The following PITPNM2 variants were observed in gnomAD, a reference collection of about 807,000 sequenced individuals.
The protein encoded by PITPNM2 is membrane-associated phosphatidylinositol transfer protein 2.
In PITPNM2, 35 loss-of-function variants were observed where a neutral mutation model predicts 132.2. The ratio of observed to expected loss-of-function variants is 0.26; its 90% CI spans 0.20 to 0.35. PITPNM2 has a LOEUF of 0.35. Among genes scored for constraint, PITPNM2 ranks in the 10% least tolerant of loss-of-function variants. The pLI, the probability that PITPNM2 is intolerant of heterozygous loss-of-function variation, is 1.00. For synonymous variants in PITPNM2, 738 were observed against 799.2 expected (o/e 0.92, Z 1.29); for missense variants, 1,332 against 1,912.0 (o/e 0.70, Z 5.66).
intron 1 of PITPNM2, among the ~76,000 whole-genome samples, chr12:123,143,648 T>C (rs2043552382): frequency 6.6e-6 from 1 of 152,162 alleles, no homozygotes; most frequent in African/African-American, 2.4e-5. Context: ...AGGATTGGTC[T>C]CAGCTCCTAA....
chr12:123,059,492 C>A (rs532047666), intron 2 of PITPNM2, among the ~76,000 whole-genome samples: 16 of 152,346 alleles, frequency 1.1e-4, no homozygotes, highest in Non-Finnish European at 1.6e-4. Flanking sequence ...TAGCACCTGG[C>A]CATACACACC....
Position 123,005,108 on chromosome 12 carries a change from G to T in PITPNM2, c.952+132C>A. The T allele has an allele frequency of 8.7e-7, 1 of 1,144,284 alleles. No individual in the cohort carries two copies. The allele number at this position is 1,144,284 out of a possible 1,614,324, so 70.9% of individuals were successfully genotyped here. A position where few individuals can be genotyped will look rare whatever the true frequency, so the allele number is the denominator to read the frequency against. On this transcript the variant is annotated intron_variant, in intron 7 of 25. Coordinates refer to ENST00000320201, the MANE Select transcript of PITPNM2 (RefSeq NM_020845.3). The surrounding 1 kb of genome is among the most constrained non-coding windows in gnomAD (Gnocchi z 6.2). ...TGTGCGAGGACTAGCCCAGGGCTCT[G>T]ACTCCCTCTGGGCTTGGTGCCTCAA...
In PITPNM2 at chr12:123,022,129, T is replaced by C. The variant is rs370981541; in HGVS notation, c.79-8087A>G. 5.6e-4 allele frequency among the ~76,000 whole-genome samples: 85 copies of C among 152,200 alleles called. No individual in the cohort carries two copies. Among genetic ancestry groups the C allele is most frequent in the African/African-American group, 2.0e-3 (84 of 41,484 alleles). ...CCCTTCATTTCCGGTGCTCAGAGGC[T>C]CCCGGTACAGCCAAGAGGTGCGGGG... On this transcript the variant is annotated intron_variant, in intron 3 of 25. Transcript: ENST00000320201. This position sits in a 1 kb window ranked among gnomAD's most constrained non-coding sequence, Gnocchi z 4.9.
In PITPNM2 at chr12:122,984,286, G is replaced by GA. The variant is rs2037846208; in HGVS notation, c.*1740dup. 1 of 152,672 alleles carries GA rather than the reference G, an allele frequency of 6.5e-6. No individual in the cohort carries two copies. The highest frequency in any genetic ancestry group is 1.5e-5 in the Non-Finnish European group (1 of 68,122). 9.5% of individuals were successfully genotyped at this position (152,672 alleles called of 1,614,324 possible). ...GGCTGGTCTCCCAGGCAGCAGGCAA[G>GA]ACAGGATAAGGTGGGGCCAAGAGAG... On this transcript the variant is annotated 3_prime_UTR_variant, in exon 26 of 26. Coordinates refer to ENST00000320201, the MANE Select transcript of PITPNM2 (RefSeq NM_020845.3).
rs1377304936 is a variant in PITPNM2, at chr12:123,004,616, C to A, written c.953-127G>T. Reference sequence around the variant, plus strand: ...GGCATCACAGAGGCTGCCACAGGAGCCAGGAAGGTTCCGAAGAGAATGAAG... The same window carrying A: ...GGCATCACAGAGGCTGCCACAGGAGACAGGAAGGTTCCGAAGAGAATGAAG... On this transcript the variant is annotated intron_variant, in intron 7 of 25. Coordinates refer to ENST00000320201, the MANE Select transcript of PITPNM2 (RefSeq NM_020845.3). The surrounding 1 kb of genome is among the most constrained non-coding windows in gnomAD (Gnocchi z 4.9). The A allele has an allele frequency of 2.4e-6, 2 of 838,620 alleles. No individual in the cohort carries two copies. The highest frequency in any genetic ancestry group is 1.4e-5 in the South Asian group (1 of 70,212). 51.9% of individuals were successfully genotyped at this position (838,620 alleles called of 1,614,324 possible).
chr12:123,004,321 C>T lies in PITPNM2; in HGVS notation c.1048+73G>A. 7.0e-7 allele frequency: 1 copy of T among 1,427,796 alleles called. No individual in the cohort carries two copies. The highest frequency in any genetic ancestry group is 9.8e-7 in the Non-Finnish European group (1 of 1,016,858). The allele number at this position is 1,427,796 out of a possible 1,614,324, so 88.4% of individuals were successfully genotyped here. On this transcript the variant is annotated intron_variant, in intron 8 of 25. Transcript: ENST00000320201. The surrounding 1 kb of genome is among the most constrained non-coding windows in gnomAD (Gnocchi z 4.9). ...ACACCCGCATCAGTCCACACCCACA[C>T]CCTAAGCCCTTTCAGACCCCTCCCC...
intron 2 of PITPNM2, among the ~76,000 whole-genome samples, chr12:123,040,845 C>CT (rs1374331315): frequency 1.3e-5 from 2 of 151,878 alleles, no homozygotes; most frequent in East Asian, 1.9e-4. Flanking sequence ...GAACATGATA[C>CT]TTTTTTAAAA....
rs1286767504 is a variant in PITPNM2, at chr12:123,103,792, A to G, written c.-96+6593T>C. On this transcript the variant is annotated intron_variant, in intron 2 of 25. Coordinates refer to ENST00000320201, the MANE Select transcript of PITPNM2 (RefSeq NM_020845.3). ...GTGGGTTAGGTGTAAAGGTTGGCCT[A>G]GATGACTTCTTGCATCTCTCCAAGT... is the stretch of plus-strand genomic sequence containing the variant. Among the ~76,000 whole-genome samples, 10 of 152,362 alleles carry G rather than the reference A, an allele frequency of 6.6e-5. No homozygotes were observed. In the East Asian group the frequency reaches 1.9e-3, roughly 29 times the overall value.
At chr12:123,013,626 G>A (rs1592942929) in intron 4 of PITPNM2, among the ~76,000 whole-genome samples, 1 of 152,228 alleles carries the variant, frequency 6.6e-6, no homozygotes, top group African/African-American at 2.4e-5. Flanking sequence ...GCATCTAGGG[G>A]TATATCCTTC....
chr12:123,103,725 A>G (rs2042622172), intron 2 of PITPNM2, among the ~76,000 whole-genome samples: 1 of 152,090 alleles, frequency 6.6e-6, no homozygotes, highest in Admixed American at 6.6e-5. Context: ...TTGCCATGGG[A>G]CTTTGGACAA....
At chr12:123,047,444 G>C (rs1566265911) in intron 2 of PITPNM2, among the ~76,000 whole-genome samples, 1 of 152,116 alleles carries the variant, frequency 6.6e-6, no homozygotes, top group Admixed American at 6.5e-5. Context: ...CATTGCCAAG[G>C]GAAAGACCTG....
intron 5 of PITPNM2, 101 bp from the exon 6 acceptor site, chr12:123,010,178 C>G: frequency 1.0e-6 from 1 of 985,944 alleles, no homozygotes; most frequent in Non-Finnish European, 1.5e-6. Context: ...GGACTCTGGG[C>G]CTTGCCCTGC....
chr12:123,131,400 G>C (rs891155983), intron 1 of PITPNM2, among the ~76,000 whole-genome samples: 1 of 152,206 alleles, frequency 6.6e-6, no homozygotes, highest in African/African-American at 2.4e-5. Context: ...ACAGATACTC[G>C]TTGCGGTCTC....
intron 2 of PITPNM2, among the ~76,000 whole-genome samples, chr12:123,074,452 T>TGCACACACACCTCACACACAC (rs1193873035): frequency 2.0e-5 from 3 of 151,744 alleles, no homozygotes; most frequent in Non-Finnish European, 4.4e-5. Flanking sequence ...GCCACACACA[T>TGCACACACACCTCACACACAC]GCACACACAC....
In PITPNM2 at chr12:123,097,022, A is replaced by ATTAT. The variant is rs530853275; in HGVS notation, c.-96+13359_-96+13362dup. 6.5e-3 allele frequency among the ~76,000 whole-genome samples: 982 copies of ATTAT among 151,812 alleles called. 12 individuals carry two copies. Among genetic ancestry groups the ATTAT allele is most frequent in the African/African-American group, 0.022 (914 of 41,424 alleles). On this transcript the variant is annotated intron_variant, in intron 2 of 25. Transcript: ENST00000320201. The surrounding 1 kb of genome is among the most constrained non-coding windows in gnomAD (Gnocchi z 4.7). ...CCTGCCATCTCTCTTTATTTTTATT[A>ATTAT]TTATTTATTTATTTATTTATTTTTA...
chr12:122,997,703 G>A, intron 10 of PITPNM2, 131 bp from the exon 11 acceptor site: 1 of 1,295,050 alleles, frequency 7.7e-7, no homozygotes, highest in Non-Finnish European at 1.1e-6. Context: ...CCCAGTTTTG[G>A]TTACTCATGC....
Position 123,009,310 on chromosome 12 carries a change from C to T in PITPNM2, c.643+540G>A, listed in dbSNP as rs937215781. On this transcript the variant is annotated intron_variant, in intron 6 of 25. Coordinates refer to ENST00000320201, the MANE Select transcript of PITPNM2 (RefSeq NM_020845.3). The surrounding 1 kb of genome is among the most constrained non-coding windows in gnomAD (Gnocchi z 4.8). Reference sequence around the variant, plus strand: ...TGCACCAGGACCCCCAGGCCATCTGCTGTCTACCTGTTCCATGGGCACCTA... The same window carrying T: ...TGCACCAGGACCCCCAGGCCATCTGTTGTCTACCTGTTCCATGGGCACCTA... Among the ~76,000 whole-genome samples the T allele has an allele frequency of 4.6e-5, 7 of 152,190 alleles. No individual in the cohort carries two copies. The highest frequency in any genetic ancestry group is 1.7e-4 in the African/African-American group (7 of 41,442).
At chr12:122,998,043 G>A (rs2136136217) in intron 10 of PITPNM2, among the ~76,000 whole-genome samples, 1 of 152,312 alleles carries the variant, frequency 6.6e-6, no homozygotes, top group South Asian at 2.1e-4. Flanking sequence ...GCCACCACCA[G>A]CTCAAAGTTA....
At position 123,150,456 on chromosome 12, in the gene PITPNM2, C is replaced by T. The variant is rs2043708967; in HGVS notation, c.-200+297G>A. Among the ~76,000 whole-genome samples, 1 of 152,144 alleles carries T rather than the reference C, an allele frequency of 6.6e-6. No individual in the cohort carries two copies. Among genetic ancestry groups the T allele is most frequent in the East Asian group, 1.9e-4 (1 of 5,154 alleles). On this transcript the variant is annotated intron_variant, in intron 1 of 25. Transcript: ENST00000320201. This position sits in a 1 kb window ranked among gnomAD's most constrained non-coding sequence, Gnocchi z 6.0. ...GACACTTGTCCCTGGCGGGGGTCCC[C>T]CACGCGGTCGCGACCGACGGAAATT...
Sources: gnomAD v4.1 joint callset for allele counts (sites outside exome capture counted in the v4.1 genomes callset) on GRCh38, gnomAD v4.1.1 for gene constraint, Gnocchi (gnomAD v3.1) non-coding constraint, MANE v1.5 for transcripts, NCBI Gene and HGNC (gene_info 2026-07-23, HGNC 2026-07-21) for gene names.